The following ZNF438 variants were observed in gnomAD, a reference collection of about 807,000 sequenced individuals.
The protein encoded by ZNF438 is zinc finger protein 438.
In ZNF438, 25 loss-of-function variants were observed where a neutral mutation model predicts 38.0. The ratio of observed to expected loss-of-function variants is 0.66; its 90% CI spans 0.48 to 0.92. The LOEUF (loss-of-function observed/expected upper bound fraction) is 0.92. ZNF438 is among the 40% of genes least tolerant of loss of function. ZNF438 has a pLI of 0.00. For synonymous variants in ZNF438, 372 were observed against 364.1 expected (o/e 1.02, Z -0.25); for missense variants, 1,007 against 999.6 (o/e 1.01, Z -0.10).
chr10:30,953,419 A>T (rs1045094199), intron 1 of ZNF438, among the ~76,000 whole-genome samples: 1 of 151,680 alleles, frequency 6.6e-6, no homozygotes, highest in Non-Finnish European at 1.5e-5. Context: ...AATTTAAAAA[A>T]TTAAAAAAAA....
chr10:31,022,744 T>C (rs1026275299), intron 1 of ZNF438, among the ~76,000 whole-genome samples: 3 of 152,174 alleles, frequency 2.0e-5, no homozygotes, highest in Admixed American at 6.5e-5. Flanking sequence ...GCTGAATGCA[T>C]TGAGCTATGA....
At chr10:30,985,350 CTT>C (rs2052652378) in intron 1 of ZNF438, among the ~76,000 whole-genome samples, 1 of 152,162 alleles carries the variant, frequency 6.6e-6, no homozygotes, top group African/African-American at 2.4e-5. Context: ...TAAAGCATGA[CTT>C]TTCATCTAGA....
intron 2 of ZNF438, among the ~76,000 whole-genome samples, chr10:30,928,452 T>A (rs1354095696): frequency 2.0e-5 from 3 of 152,102 alleles, no homozygotes; most frequent in Non-Finnish European, 4.4e-5. Flanking sequence ...TGAAACTTTG[T>A]TATTTATCAT....
chr10:30,849,945 G>C, exon 5 of ZNF438: 1 of 1,614,172 alleles, frequency 6.2e-7, no homozygotes, highest in East Asian at 2.2e-5. Context: ...GGACACATTT[G>C]GGTTTGGGCA....
chr10:31,019,816 C>T (rs1461674610), intron 1 of ZNF438, among the ~76,000 whole-genome samples: 1 of 152,116 alleles, frequency 6.6e-6, no homozygotes, highest in African/African-American at 2.4e-5. Context: ...GAAACTCAAC[C>T]TTAACAAGGT....
At chr10:30,943,635 C>G (rs1448449215) in intron 1 of ZNF438, among the ~76,000 whole-genome samples, 2 of 152,128 alleles carry the variant, frequency 1.3e-5, no homozygotes, top group Non-Finnish European at 2.9e-5. Flanking sequence ...ACATTACTTT[C>G]AAGCCTGGTG....
At chr10:31,022,187 A>G (rs1435960531) in intron 1 of ZNF438, among the ~76,000 whole-genome samples, 5 of 152,056 alleles carry the variant, frequency 3.3e-5, no homozygotes, top group Non-Finnish European at 7.4e-5. Context: ...CCCAAAACCA[A>G]ACTTGCACCA....
chr10:30,867,317 CATT>C (rs1181595871), intron 4 of ZNF438, among the ~76,000 whole-genome samples: 2 of 98,952 alleles, frequency 2.0e-5, no homozygotes, highest in African/African-American at 8.0e-5. Flanking sequence ...CCAGTCTTCT[CATT>C]ATTTTTTTTG....
At chr10:31,020,599 C>T (rs1282399775) in intron 1 of ZNF438, among the ~76,000 whole-genome samples, 1 of 151,944 alleles carries the variant, frequency 6.6e-6, no homozygotes, top group South Asian at 2.1e-4. Context: ...AAATTCCTTT[C>T]TGGGCCTGAT....
chr10:30,966,791 G>A (rs2994640), intron 1 of ZNF438, among the ~76,000 whole-genome samples: 113,728 of 151,982 alleles, frequency 0.75, 43,461 homozygotes, highest in African/African-American at 0.89. Flanking sequence ...AGCAGATTTA[G>A]ACAGATTTAA....
intron 4 of ZNF438, among the ~76,000 whole-genome samples, chr10:30,863,045 A>T (rs1282100815): frequency 6.6e-6 from 1 of 152,136 alleles, no homozygotes; most frequent in African/African-American, 2.4e-5. Context: ...GATTTATAAC[A>T]TTTTTTTGCT....
At position 30,850,338 on chromosome 10, in the gene ZNF438, G is replaced by GTAT. The variant is rs751859005; in HGVS notation, c.64_66dup (p.Ile22dup). 4 of 1,613,766 alleles carry GTAT rather than the reference G, an allele frequency of 2.5e-6. No homozygotes were observed. In the Admixed American group the frequency reaches 6.7e-5, roughly 27 times the overall value. ...TTATTCTGCAAACCTTTCCTACTCT[G>GTAT]TATTGTTCCAGAAGGGATGTTTGAT... On this transcript the variant is annotated inframe_insertion, in exon 5 of 6. Coordinates refer to ENST00000413025, the Ensembl canonical transcript of ZNF438.
At chr10:31,009,406 G>C (rs553753782) in intron 1 of ZNF438, among the ~76,000 whole-genome samples, 2 of 152,278 alleles carry the variant, frequency 1.3e-5, no homozygotes, top group East Asian at 3.9e-4. Flanking sequence ...GTCCAGGAAG[G>C]CTGCCTTGTT....
chr10:31,031,861 G>A (rs906186517), exon 1 of ZNF438: 1 of 152,600 alleles, frequency 6.6e-6, no homozygotes, highest in Non-Finnish European at 1.5e-5. Flanking sequence ...GCGTCACAGC[G>A]GGGTGACGTC....
chr10:30,951,039 G>T lies in ZNF438; in HGVS notation c.-191-9388C>A, dbSNP rs1327247092. ...AACGAATCCAGCAGCACATCAAAAA[G>T]CTTATCCACCAGGATCAAGTGGGCT... On this transcript the variant is annotated intron_variant, in intron 1 of 5. Transcript: ENST00000413025. Among the ~76,000 whole-genome samples the T allele has an allele frequency of 1.4e-3, 199 of 138,386 alleles. 2 individuals are homozygous for T. The highest frequency in any genetic ancestry group is 0.011 in the Middle Eastern group (3 of 268). 90.8% of individuals were successfully genotyped at this position (138,386 alleles called of 152,430 possible). A position where few individuals can be genotyped will look rare whatever the true frequency, so the allele number is the denominator to read the frequency against.
chr10:30,854,217 G>C (rs1424819344), intron 4 of ZNF438, among the ~76,000 whole-genome samples: 2 of 152,162 alleles, frequency 1.3e-5, no homozygotes. Flanking sequence ...CTACTCGGGA[G>C]GCTGAGGAAG....
intron 1 of ZNF438, among the ~76,000 whole-genome samples, chr10:31,018,724 T>G (rs1412107209): frequency 6.6e-6 from 1 of 152,162 alleles, no homozygotes; most frequent in Non-Finnish European, 1.5e-5. Flanking sequence ...AAGAGAGAGA[T>G]AGGCAGATGG....
At chr10:30,885,246 A>G (rs948846963) in intron 3 of ZNF438, among the ~76,000 whole-genome samples, 6 of 152,214 alleles carry the variant, frequency 3.9e-5, no homozygotes, top group Non-Finnish European at 7.3e-5. Context: ...ATACATTAAG[A>G]TAATGTTACT....
chr10:30,874,114 G>GTATATACA (rs2037993623), intron 4 of ZNF438, among the ~76,000 whole-genome samples: 2 of 80,290 alleles, frequency 2.5e-5, no homozygotes, highest in African/African-American at 1.4e-4. Flanking sequence ...GTGTGTGTGT[G>GTATATACA]TATATATATA....
Sources: gnomAD v4.1 joint callset for allele counts (sites outside exome capture counted in the v4.1 genomes callset) on GRCh38, gnomAD v4.1.1 for gene constraint, MANE v1.5 for transcripts, NCBI Gene and HGNC (gene_info 2026-07-23, HGNC 2026-07-21) for gene names.